The following SRGAP1 variants were observed in gnomAD, a reference collection of about 807,000 sequenced individuals.
The protein encoded by SRGAP1 is SLIT-ROBO Rho GTPase-activating protein 1.
Under a neutral mutation model 121.9 loss-of-function variants are expected in SRGAP1, and 43 were observed. The ratio of observed to expected loss-of-function variants is 0.35; its 90% confidence interval spans 0.28 to 0.46. The LOEUF is 0.46. Among genes scored for constraint, SRGAP1 ranks in the 20% least tolerant of loss-of-function variants. The probability of loss-of-function intolerance (pLI) is 1.00; values close to 1 mark genes in which losing one functional copy is unlikely to be tolerated. For synonymous variants in SRGAP1, 447 were observed against 485.4 expected, an observed-to-expected ratio of 0.92 and a Z score of 1.04; for missense variants, 1,102 against 1,350.9, an observed-to-expected ratio of 0.82 and a Z score of 2.89.
At chr12:64,072,105 T>C (rs2035647534) in intron 8 of SRGAP1, among the ~76,000 whole-genome samples, 1 of 106,170 alleles carries the variant, frequency 9.4e-6, no homozygotes, top group African/African-American at 3.9e-5. Context: ...ACCCAATCTC[T>C]CTCTGTGTGT....
At chr12:64,017,709 A>T (rs993103431) in intron 4 of SRGAP1, among the ~76,000 whole-genome samples, 1 of 151,456 alleles carries the variant, frequency 6.6e-6, no homozygotes, top group African/African-American at 2.4e-5. Context: ...AGGTTGCGTT[A>T]TTCTGGTACT....
intron 4 of SRGAP1, among the ~76,000 whole-genome samples, chr12:64,037,469 A>T (rs1248642996): frequency 6.6e-6 from 1 of 152,256 alleles, no homozygotes; most frequent in Non-Finnish European, 1.5e-5. Context: ...TGTTATTACT[A>T]AGACACTGCT....
intron 6 of SRGAP1, among the ~76,000 whole-genome samples, chr12:64,061,428 T>C (rs1417668291): frequency 2.0e-5 from 3 of 152,212 alleles, no homozygotes; most frequent in Admixed American, 2.0e-4. Context: ...CCTACACAGA[T>C]TTCAATAAAT....
intron 1 of SRGAP1, among the ~76,000 whole-genome samples, chr12:63,870,256 C>G (rs1253434566): frequency 6.6e-6 from 1 of 151,960 alleles, no homozygotes; most frequent in African/African-American, 2.4e-5. Flanking sequence ...GATGAGGAGA[C>G]TCATGGTGGA....
chr12:63,945,228 G>C (rs1285435252), intron 1 of SRGAP1, among the ~76,000 whole-genome samples: 2 of 151,484 alleles, frequency 1.3e-5, no homozygotes, highest in Non-Finnish European at 2.9e-5. Context: ...AGGGCCAAAG[G>C]CTTCTGTCTT....
At chr12:63,940,446 G>A (rs1270574650) in intron 1 of SRGAP1, among the ~76,000 whole-genome samples, 1 of 151,724 alleles carries the variant, frequency 6.6e-6, no homozygotes, top group African/African-American at 2.4e-5. Context: ...TATGATCAAG[G>A]AGTGTTTGTG....
chr12:64,041,776 G>A (rs1004440646), intron 4 of SRGAP1, among the ~76,000 whole-genome samples: 1 of 151,926 alleles, frequency 6.6e-6, no homozygotes, highest in East Asian at 1.9e-4. Context: ...GTGTGTATGT[G>A]TGTGTGTGTG....
At chr12:64,141,999 A>AC (rs1565699614) in intron 21 of SRGAP1, among the ~76,000 whole-genome samples, 5 of 151,900 alleles carry the variant, frequency 3.3e-5, no homozygotes, top group Non-Finnish European at 5.9e-5. Context: ...AAAAGAAAAA[A>AC]ATTTTTTTTT....
At position 63,906,201 on chromosome 12, in the gene SRGAP1, A is replaced by G. The variant is rs141164554; in HGVS notation, c.67+61318A>G. On this transcript the variant is annotated intron_variant, in intron 1 of 21. Coordinates refer to ENST00000355086, the MANE Select transcript of SRGAP1 (RefSeq NM_020762.4). ...TGTTTTGAGGCTCATCACATGTATC[A>G]TGAGTCAGTAGTTCATTTCTTTTAA... Among the ~76,000 whole-genome samples the G allele has an allele frequency of 2.3e-3, 344 of 152,310 alleles. 2 individuals are homozygous for G. The highest frequency in any genetic ancestry group is 7.8e-3 in the African/African-American group (326 of 41,564).
At chr12:64,094,230 TA>T (rs1308714995) in intron 12 of SRGAP1, among the ~76,000 whole-genome samples, 1 of 152,174 alleles carries the variant, frequency 6.6e-6, no homozygotes, top group Non-Finnish European at 1.5e-5. Flanking sequence ...TGTCATCCTA[TA>T]CATGTTTTAA....
intron 7 of SRGAP1, among the ~76,000 whole-genome samples, chr12:64,064,593 C>T (rs1376500853): frequency 6.6e-6 from 1 of 151,794 alleles, no homozygotes; most frequent in Non-Finnish European, 1.5e-5. Flanking sequence ...CCCACAGCAG[C>T]CCTGTGATAT....
At chr12:64,065,798 G>T (rs1032421564) in intron 8 of SRGAP1, among the ~76,000 whole-genome samples, 1 of 151,908 alleles carries the variant, frequency 6.6e-6, no homozygotes, top group Non-Finnish European at 1.5e-5. Context: ...TAAATTTTTG[G>T]TACTGAACAT....
intron 1 of SRGAP1, among the ~76,000 whole-genome samples, chr12:63,868,058 TTTTTTTTTTTTTTTTTTTTTG>T (rs1899708977): frequency 1.5e-5 from 1 of 65,364 alleles, no homozygotes; most frequent in East Asian, 6.3e-4. Context: ...ATATATATAT[TTTTTTTTTTTTTTTTTTTTTG>T]TTTTTTTTTT....
intron 4 of SRGAP1, among the ~76,000 whole-genome samples, chr12:64,029,234 T>A (rs2034721952): frequency 6.6e-6 from 1 of 152,180 alleles, no homozygotes; most frequent in African/African-American, 2.4e-5. Context: ...TACTCCCCAT[T>A]TGGCCAAAAT....
intron 1 of SRGAP1, among the ~76,000 whole-genome samples, chr12:63,962,065 A>G (rs2032657610): frequency 6.6e-6 from 1 of 152,146 alleles, no homozygotes; most frequent in Admixed American, 6.5e-5. Flanking sequence ...ATTTTCTCCC[A>G]CTGCTTCCCT....
intron 8 of SRGAP1, among the ~76,000 whole-genome samples, chr12:64,075,366 C>A (rs868156735): frequency 3.3e-5 from 5 of 152,184 alleles, no homozygotes; most frequent in African/African-American, 1.2e-4. Context: ...CCGACTTGGG[C>A]GGGCCAGGTG....
At chr12:64,142,179 T>A in intron 21 of SRGAP1, 116 bp from the exon 22 acceptor site, 1 of 1,021,376 alleles carries the variant, frequency 9.8e-7, no homozygotes, top group Non-Finnish European at 1.4e-6. Flanking sequence ...GACTATGGAG[T>A]CAAAGATATC....
intron 4 of SRGAP1, chr12:64,032,370 A>C: frequency 2.3e-6 from 1 of 441,470 alleles, no homozygotes; most frequent in Non-Finnish European, 4.3e-6. Flanking sequence ...GTAGTATGAG[A>C]TACTTTCATT....
intron 3 of SRGAP1, among the ~76,000 whole-genome samples, chr12:63,995,599 G>T (rs1794458027): frequency 6.6e-6 from 1 of 152,146 alleles, no homozygotes. Context: ...ACTGAAGAAT[G>T]ATATTCTGGG....
Sources: gnomAD v4.1 joint callset for allele counts (sites outside exome capture counted in the v4.1 genomes callset) on GRCh38, gnomAD v4.1.1 for gene constraint, MANE v1.5 for transcripts, NCBI Gene and HGNC (gene_info 2026-07-23, HGNC 2026-07-21) for gene names.